SRSF11: variants seen among roughly 807,000 people sequenced by gnomAD.
SRSF11 encodes serine/arginine-rich splicing factor 11.
SRSF11 carries 9 observed loss-of-function variants against 56.0 expected under a neutral mutation model. That is an observed-to-expected ratio of 0.16 (90% confidence interval 0.10 to 0.28). The LOEUF (loss-of-function observed/expected upper bound fraction) is 0.28. Among genes scored for constraint, SRSF11 ranks in the 10% least tolerant of loss-of-function variants. SRSF11 has a pLI of 1.00. For missense variants in SRSF11, 421 were observed against 600.7 expected, an observed-to-expected ratio of 0.70 and a Z score of 3.13; for synonymous variants, 222 against 215.3, an observed-to-expected ratio of 1.03 and a Z score of -0.27.
intron 1 of SRSF11, among the ~76,000 whole-genome samples, chr1:70,209,394 G>T (rs1469214780): frequency 6.6e-6 from 1 of 152,146 alleles, no homozygotes; most frequent in African/African-American, 2.4e-5. Context: ...TTTGTGTAAA[G>T]TAACAAATTT....
chr1:70,218,065 C>T (rs1428431335), upstream of SRSF11, among the ~76,000 whole-genome samples: 2 of 152,064 alleles, frequency 1.3e-5, no homozygotes, highest in Non-Finnish European at 2.9e-5. Context: ...TCTCGGTTCA[C>T]GCCATTCTCC....
At chr1:70,238,039 C>T (rs269282) in intron 6 of SRSF11, among the ~76,000 whole-genome samples, 27,553 of 152,016 alleles carry the variant, frequency 0.18, 2,843 homozygotes, top group Non-Finnish European at 0.23. Flanking sequence ...ATCATATTAT[C>T]TGCCCATATA....
chr1:70,248,178 G>C (rs1333879788), intron 9 of SRSF11, among the ~76,000 whole-genome samples: 5 of 152,060 alleles, frequency 3.3e-5, no homozygotes, highest in African/African-American at 9.7e-5. Context: ...ACCCCTGGGG[G>C]AAAATGAAAA....
At chr1:70,244,553 C>A in intron 7 of SRSF11, 131 bp from the exon 8 acceptor site, 3 of 970,652 alleles carry the variant, frequency 3.1e-6, no homozygotes, top group Non-Finnish European at 4.5e-6. Flanking sequence ...TAAATAATAG[C>A]AAATGGAAGG....
rs1398161137 is a variant in SRSF11 at position 70,250,679 on chromosome 1, A to G, written c.1329A>G (p.Lys443=). 6.2e-7 allele frequency: 1 copy of G among 1,613,964 alleles called. No individual in the cohort carries two copies. The highest frequency in any genetic ancestry group is 1.7e-5 in the Admixed American group (1 of 59,996). The change falls in exon 12 of 12, where the codon AAA becomes AAG. Residue 443 remains lysine, a synonymous_variant. Coordinates refer to ENST00000370949, the MANE Select transcript of SRSF11 (RefSeq NM_001350605.2). ...DSEKEKKEEK[K]PIETGSPKTK... is the part of the protein sequence containing the mutation. ...AGAAAGAGAAAAAAGAAGAGAAGAA[A>G]CCAATAGAAACAGGTTCCCCTAAAA... is the stretch of plus-strand genomic sequence containing the variant.
At chr1:70,231,601 C>T in intron 2 of SRSF11, 2 of 1,132,548 alleles carry the variant, frequency 1.8e-6, no homozygotes, top group Non-Finnish European at 1.1e-6. Context: ...ACCTATCTCT[C>T]TTTCTCTCTC....
intron 2 of SRSF11, chr1:70,229,207 T>A (rs1471139005): frequency 7.8e-7 from 1 of 1,288,932 alleles, no homozygotes; most frequent in East Asian, 5.6e-5. Flanking sequence ...GTGATTTTTA[T>A]AGTGGAGAAG....
chr1:70,244,892 T>C (rs1676382327), intron 8 of SRSF11, 77 bp downstream of exon 8: 2 of 1,434,090 alleles, frequency 1.4e-6, no homozygotes, highest in Admixed American at 3.7e-5. Context: ...ACAAAAGAGG[T>C]GGTTGGGGTG....
intron 1 of SRSF11, chr1:70,205,844 T>C (rs1299495509): frequency 8.2e-6 from 2 of 245,312 alleles, no homozygotes. Context: ...TTACTGCGAC[T>C]CCAACCTTCT....
intron 2 of SRSF11, chr1:70,232,027 T>G: frequency 6.6e-7 from 1 of 1,519,704 alleles, no homozygotes. Context: ...TTGTGCTATT[T>G]TTTTTTACTC....
At chr1:70,219,474 CTG>C (rs1338870934), upstream of SRSF11, among the ~76,000 whole-genome samples, 1 of 152,166 alleles carries the variant, frequency 6.6e-6, no homozygotes, top group African/African-American at 2.4e-5. Flanking sequence ...AATAAAAAGT[CTG>C]TACATGTTTA....
Position 70,250,351 on chromosome 1 carries a change from T to A in SRSF11, c.1119-14T>A. ...AAGTTAAACCTGTTGCTGTACATTT[T>A]ACTGTCATTCTAGACATAAAAAGGA... is the stretch of plus-strand genomic sequence containing the variant. On this transcript the variant is annotated splice_polypyrimidine_tract_variant and intron_variant, in intron 10 of 11. Coordinates refer to ENST00000370949, the MANE Select transcript of SRSF11 (RefSeq NM_001350605.2). 1 of 1,609,264 alleles carries A rather than the reference T, an allele frequency of 6.2e-7. No individual in the cohort carries two copies. The highest frequency in any genetic ancestry group is 8.5e-7 in the Non-Finnish European group (1 of 1,178,498).
upstream of SRSF11, among the ~76,000 whole-genome samples, chr1:70,216,590 C>T (rs1024872992): frequency 1.7e-4 from 26 of 152,018 alleles, no homozygotes; most frequent in Non-Finnish European, 3.8e-4. Context: ...CACCACTACA[C>T]CCAGCTAACT....
chr1:70,243,496 T>C (rs1676027292), intron 7 of SRSF11, among the ~76,000 whole-genome samples: 1 of 152,110 alleles, frequency 6.6e-6, no homozygotes, highest in African/African-American at 2.4e-5. Context: ...CATTATTTGG[T>C]GATAGAGGTG....
chr1:70,217,987 G>A (rs1426197558), upstream of SRSF11, among the ~76,000 whole-genome samples: 1 of 145,376 alleles, frequency 6.9e-6, no homozygotes, highest in Non-Finnish European at 1.5e-5. Flanking sequence ...TTTTGTGTGT[G>A]TTTTTTGTTT....
At chr1:70,244,875 C>G (rs1284966216) in intron 8 of SRSF11, 60 bp downstream of exon 8, 29 of 1,527,898 alleles carry the variant, frequency 1.9e-5, no homozygotes, top group Non-Finnish European at 1.4e-5. Context: ...TACTGTGCTA[C>G]TTAGTAACAA....
intron 1 of SRSF11, among the ~76,000 whole-genome samples, chr1:70,211,867 T>C (rs1400301670): frequency 6.6e-6 from 1 of 152,220 alleles, no homozygotes; most frequent in Non-Finnish European, 1.5e-5. Flanking sequence ...TTATCAGCCA[T>C]CAATACAACT....
At position 70,239,783 on chromosome 1, in the gene SRSF11, A is replaced by G. The variant is rs569329971; in HGVS notation, c.800+263A>G. ...AGAGCAACAAAATGAAAAATAATTG[A>G]TTCATTGAATTATACAAGTTTCCAA... is the stretch of plus-strand genomic sequence containing the variant. On this transcript the variant is annotated intron_variant, in intron 7 of 11. Coordinates refer to ENST00000370949, the MANE Select transcript of SRSF11 (RefSeq NM_001350605.2). Among the ~76,000 whole-genome samples, 6 of 152,304 alleles carry G rather than the reference A, an allele frequency of 3.9e-5. No individual in the cohort carries two copies. In the South Asian group the frequency reaches 1.2e-3, roughly 32 times the overall value.
rs201985630 is a variant in SRSF11, at chr1:70,244,710, G to A, written c.827G>A (p.Arg276Gln). 12 of 1,613,838 alleles carry A rather than the reference G, an allele frequency of 7.4e-6. No individual in the cohort carries two copies. The highest frequency in any genetic ancestry group is 2.7e-5 in the African/African-American group (2 of 74,868). Residue 276 changes from arginine (R) to glutamine (Q), a missense_variant, in exon 8 of 12, where the codon CGG becomes CAG. Physicochemically the swap from Arg to Gln is conservative, Grantham distance 43 (BLOSUM62 1). Coordinates refer to ENST00000370949, the MANE Select transcript of SRSF11 (RefSeq NM_001350605.2). ...HRRSRSRSRRRSHSKSRSRRR... is the reference protein window; with the variant it reads ...HRRSRSRSRRQSHSKSRSRRR... The stretch of plus-strand genomic sequence containing the variant: ...CGGTCAAGAAGCAGATCGAGACGGC[G>A]GTCACATTCTAAGTCTAGGAGTCGG...
Sources: gnomAD v4.1 joint callset for allele counts (sites outside exome capture counted in the v4.1 genomes callset) on GRCh38, gnomAD v4.1.1 for gene constraint, MANE v1.5 for transcripts, NCBI Gene and HGNC (gene_info 2026-07-23, HGNC 2026-07-21) for gene names.